ZBTB24: variants seen among roughly 807,000 people sequenced by gnomAD.
ZBTB24 encodes zinc finger and BTB domain-containing protein 24.
ZBTB24 carries 32 observed loss-of-function variants against 53.8 expected under a neutral mutation model. The observed-to-expected ratio is 0.60, with a 90% CI of 0.45 to 0.80. The LOEUF is 0.80. Ranked by LOEUF, ZBTB24 falls within the 30% of genes least tolerant of loss-of-function variation. The pLI is 0.00. For synonymous variants in ZBTB24, 297 were observed against 306.7 expected, an observed-to-expected ratio of 0.97 and a Z score of 0.33; for missense variants, 722 against 837.1, an observed-to-expected ratio of 0.86 and a Z score of 1.70.
rs1382093631 is a variant in ZBTB24 at position 109,464,932 on chromosome 6, A to C, written c.*919T>G. 6.6e-6 allele frequency: 1 copy of C among 152,216 alleles called. No homozygotes were observed. Among genetic ancestry groups the C allele is most frequent in the Non-Finnish European group, 1.5e-5 (1 of 68,036 alleles). 9.4% of individuals were successfully genotyped at this position (152,216 alleles called of 1,614,324 possible). On this transcript the variant is annotated 3_prime_UTR_variant, in exon 7 of 7. Coordinates refer to ENST00000230122, the MANE Select transcript of ZBTB24 (RefSeq NM_014797.3). ...CAACACGTAGATCAACATTTTCAGG[A>C]GATCAGTTAGAATTCAGTAGAGTAT...
At position 109,468,239 on chromosome 6, in the gene ZBTB24, T is replaced by C. The variant is rs541822248; in HGVS notation, c.1289-505A>G. ...CACCACCACCATCTCTTGCCTCTTATGGGGTCTCCATTTCTGCTCTTGCTT... is the reference window on the plus strand; with the variant it reads ...CACCACCACCATCTCTTGCCTCTTACGGGGTCTCCATTTCTGCTCTTGCTT... On this transcript the variant is annotated intron_variant, in intron 5 of 6. Coordinates refer to ENST00000230122, the MANE Select transcript of ZBTB24 (RefSeq NM_014797.3). 5.3e-5 allele frequency among the ~76,000 whole-genome samples: 8 copies of C among 152,264 alleles called. No homozygotes were observed. In the South Asian group the frequency reaches 1.5e-3, roughly 28 times the overall value.
At chr6:109,468,390 C>T (rs1776096036) in intron 5 of ZBTB24, among the ~76,000 whole-genome samples, 1 of 152,066 alleles carries the variant, frequency 6.6e-6, no homozygotes. Context: ...TCTTGCCCTA[C>T]AAGCGATCAT....
At chr6:109,475,569 A>G (rs1337872692) in intron 4 of ZBTB24, 87 bp from the exon 5 acceptor site, 2 of 1,493,344 alleles carry the variant, frequency 1.3e-6, no homozygotes, top group Non-Finnish European at 1.9e-6. Context: ...CTTCCCTGAA[A>G]AATAATCACT....
At chr6:109,470,644 C>T (rs1248136505) in intron 5 of ZBTB24, among the ~76,000 whole-genome samples, 2 of 152,238 alleles carry the variant, frequency 1.3e-5, no homozygotes, top group East Asian at 1.9e-4. Context: ...AGTCCAGTTC[C>T]GTCCGTGTGG....
At chr6:109,471,552 C>A (rs1333791719) in intron 5 of ZBTB24, among the ~76,000 whole-genome samples, 1 of 152,188 alleles carries the variant, frequency 6.6e-6, no homozygotes, top group Non-Finnish European at 1.5e-5. Flanking sequence ...ACCCTCAGGG[C>A]AGAATCAGTG....
In ZBTB24 at chr6:109,465,658, C is replaced by T. The variant is rs772392427; in HGVS notation, c.*193G>A. On this transcript the variant is annotated 3_prime_UTR_variant, in exon 7 of 7. Transcript: ENST00000230122. Reference sequence around the variant, plus strand: ...TAATATTGAAATGCTCAATACAAATCAGTACCTTAGACAAGACATACACAC... The same window carrying T: ...TAATATTGAAATGCTCAATACAAATTAGTACCTTAGACAAGACATACACAC... 40 of 1,569,192 alleles carry T rather than the reference C, an allele frequency of 2.5e-5. No homozygotes were observed. Among genetic ancestry groups the T allele is most frequent in the Non-Finnish European group, 3.4e-5 (40 of 1,163,878 alleles).
chr6:109,480,480 T>C (rs145344601), intron 2 of ZBTB24, among the ~76,000 whole-genome samples: 6 of 152,330 alleles, frequency 3.9e-5, no homozygotes, highest in Non-Finnish European at 7.3e-5. Flanking sequence ...GGCCACCATA[T>C]TGGACATCAG....
intron 2 of ZBTB24, among the ~76,000 whole-genome samples, chr6:109,480,732 G>A (rs1039695933): frequency 2.0e-5 from 3 of 152,178 alleles, no homozygotes; most frequent in Non-Finnish European, 2.9e-5. Flanking sequence ...ACAAATGAGA[G>A]GGGTTCTTGA....
chr6:109,476,618 A>T (rs1776282735), intron 3 of ZBTB24, 145 bp downstream of exon 3: 1 of 1,173,414 alleles, frequency 8.5e-7, no homozygotes. Context: ...TCTAAACTGC[A>T]CTCAGACAGA....
At chr6:109,474,078 G>A (rs1776226801) in intron 5 of ZBTB24, among the ~76,000 whole-genome samples, 1 of 124,724 alleles carries the variant, frequency 8.0e-6, no homozygotes, top group South Asian at 2.6e-4. Flanking sequence ...GACAGAGACA[G>A]TGACTCCAAA....
intron 1 of ZBTB24, among the ~76,000 whole-genome samples, chr6:109,482,500 T>G (rs1776446268): frequency 1.4e-5 from 2 of 147,538 alleles, no homozygotes; most frequent in Admixed American, 1.4e-4. Context: ...AGCTCGCGGT[T>G]TTTTTTTTTT....
rs1206155172 is a variant in ZBTB24 at position 109,482,806 on chromosome 6, G to A, written c.-29+292C>T. Among the ~76,000 whole-genome samples the A allele has an allele frequency of 3.3e-5, 5 of 152,244 alleles. No homozygotes were observed. The East Asian group carries it at 7.7e-4, about 23-fold the overall frequency. On this transcript the variant is annotated intron_variant, in intron 1 of 6. Coordinates refer to ENST00000230122, the MANE Select transcript of ZBTB24 (RefSeq NM_014797.3). The stretch of plus-strand genomic sequence containing the variant: ...TCCCAGATTATTAGCCATTTCGTAT[G>A]TGGGAACCAATGTGAAGAGTGAAGA...
chr6:109,471,954 A>T (rs1283501956), intron 5 of ZBTB24, among the ~76,000 whole-genome samples: 1 of 151,298 alleles, frequency 6.6e-6, no homozygotes, highest in Admixed American at 6.6e-5. Context: ...AAATGTGTTC[A>T]CCTCCCTCAC....
At chr6:109,482,802 G>T (rs1776457352) in intron 1 of ZBTB24, among the ~76,000 whole-genome samples, 1 of 152,220 alleles carries the variant, frequency 6.6e-6, no homozygotes, top group East Asian at 1.9e-4. Flanking sequence ...TAGCCATTTC[G>T]TATGTGGGAA....
intron 4 of ZBTB24, 77 bp downstream of exon 4, chr6:109,476,098 T>C: frequency 1.3e-6 from 2 of 1,530,508 alleles, no homozygotes; most frequent in South Asian, 1.1e-5. Flanking sequence ...AGCAGAACAA[T>C]ATAAACCTAA....
chr6:109,467,433 C>T (rs1776070575), intron 6 of ZBTB24, among the ~76,000 whole-genome samples: 1 of 152,114 alleles, frequency 6.6e-6, no homozygotes, highest in African/African-American at 2.4e-5. Context: ...ATCGCCTGAA[C>T]TCCCACCTGC....
Position 109,467,716 on chromosome 6 carries a change from C to A in ZBTB24, c.1307G>T (p.Cys436Phe). 6.2e-7 allele frequency: 1 copy of A among 1,613,924 alleles called. No homozygotes were observed. Among genetic ancestry groups the A allele is most frequent in the East Asian group, 2.2e-5 (1 of 44,874 alleles). The change falls in exon 6 of 7, where the codon TGT becomes TTT. Residue 436 changes from cysteine (C) to phenylalanine (F), a missense_variant. Coordinates refer to ENST00000230122, the MANE Select transcript of ZBTB24 (RefSeq NM_014797.3). ...TGTGAAAGATTTGCCACAGATTTCA[C>A]AAGTAAATGGCTTCTCACCTAAAAA... ...RTHTGEKPFT[C>F]EICGKSFTAK... is the part of the protein sequence containing the mutation.
At chr6:109,469,098 A>G (rs944689820) in intron 5 of ZBTB24, among the ~76,000 whole-genome samples, 1 of 152,182 alleles carries the variant, frequency 6.6e-6, no homozygotes, top group Non-Finnish European at 1.5e-5. Context: ...GAGGCAGAGG[A>G]CAGCTGTAAC....
chr6:109,475,316 T>C lies in ZBTB24; in HGVS notation c.1288+83A>G. The C allele has an allele frequency of 2.0e-6, 3 of 1,501,302 alleles. 1 individual carries two copies. In the Middle Eastern group the frequency reaches 5.1e-4, roughly 257 times the overall value. The allele number at this position is 1,501,302 out of a possible 1,614,324, so 93.0% of individuals were successfully genotyped here. A position where few individuals can be genotyped will look rare whatever the true frequency, so the allele number is the denominator to read the frequency against. On this transcript the variant is annotated intron_variant, in intron 5 of 6. Transcript: ENST00000230122. ...TAATAAACATTTCCAAACACAGGCTTAGCAGGGCACTCAGAGAACTTCATT... is the reference window on the plus strand; with the variant it reads ...TAATAAACATTTCCAAACACAGGCTCAGCAGGGCACTCAGAGAACTTCATT...
Sources: gnomAD v4.1 joint callset for allele counts (sites outside exome capture counted in the v4.1 genomes callset) on GRCh38, gnomAD v4.1.1 for gene constraint, MANE v1.5 for transcripts, NCBI Gene and HGNC (gene_info 2026-07-23, HGNC 2026-07-21) for gene names.